Variants in PLD2 observed in about 807,000 individuals in gnomAD.
The protein encoded by PLD2 is phospholipase D2.
In PLD2, 101 loss-of-function variants were observed where a neutral mutation model predicts 119.8. The ratio of observed to expected loss-of-function variants is 0.84; its 90% confidence interval spans 0.72 to 0.99. The LOEUF is 0.99. Ranked by LOEUF, PLD2 falls within the 50% of genes least tolerant of loss-of-function variation. The probability of loss-of-function intolerance (pLI) is 0.00; values close to 1 mark genes in which losing one functional copy is unlikely to be tolerated. For missense variants in PLD2, 1,164 were observed against 1,226.8 expected, an observed-to-expected ratio of 0.95 and a Z score of 0.76; for synonymous variants, 494 against 482.8, an observed-to-expected ratio of 1.02 and a Z score of -0.30.
rs766498542 is a variant in PLD2 at position 4,819,130 on chromosome 17, A to G, written c.2220A>G (p.Thr740=). ...ATATTTCCATCTGCGGGCTTCGTAC[A>G]CACGGAGAGCTGGGCGGGCACCCCG... ...RDYISICGLR[T]HGELGGHPVS... is the part of the protein sequence containing the mutation. The change falls in exon 22 of 25, where the codon ACA becomes ACG. Residue 740 remains threonine, a synonymous_variant. Transcript: ENST00000263088. This position sits in a 1 kb window ranked among gnomAD's most constrained non-coding sequence, Gnocchi z 4.2. 5.6e-6 allele frequency: 9 copies of G among 1,614,030 alleles called. No homozygotes were observed. Among genetic ancestry groups the G allele is most frequent in the East Asian group, 2.2e-5 (1 of 44,888 alleles).
intron 9 of PLD2, among the ~76,000 whole-genome samples, chr17:4,810,408 G>A (rs1424945618): frequency 2.0e-5 from 3 of 152,172 alleles, no homozygotes; most frequent in African/African-American, 4.8e-5. Flanking sequence ...ACTTTGGGAG[G>A]CCGAGGCGGG....
chr17:4,809,429 G>A, intron 6 of PLD2, 64 bp from the exon 7 acceptor site: 3 of 1,611,300 alleles, frequency 1.9e-6, no homozygotes, highest in Non-Finnish European at 1.7e-6. Flanking sequence ...GGAGGGCCAG[G>A]GGCCCCAGGG....
chr17:4,813,701 A>G (rs1451798236), intron 10 of PLD2, among the ~76,000 whole-genome samples: 2 of 152,228 alleles, frequency 1.3e-5, no homozygotes, highest in African/African-American at 4.8e-5. Flanking sequence ...TCTACTAAAA[A>G]TACAAAAATT....
At position 4,810,887 on chromosome 17, in the gene PLD2, G is replaced by A; in HGVS notation, c.946G>A (p.Asp316Asn). The part of the protein sequence containing the change: ...ITELAQGPGR[D>N]FLQLHRHDSY... ...TGAGCTGGCACAGGGCCCAGGCAGA[G>A]ACTTCCTACAGCTGCACCGGCATGA... Residue 316 changes from aspartate to asparagine, a missense_variant, in exon 10 of 25, where the codon GAC becomes AAC. Physicochemically the swap from Asp to Asn is conservative, Grantham distance 23. Transcript: ENST00000263088. The A allele has an allele frequency of 6.2e-7, 1 of 1,613,918 alleles. No individual in the cohort carries two copies. Among genetic ancestry groups the A allele is most frequent in the East Asian group, 2.2e-5 (1 of 44,868 alleles).
chr17:4,817,361 G>A, intron 17 of PLD2, 102 bp downstream of exon 17: 1 of 841,498 alleles, frequency 1.2e-6, no homozygotes, highest in Non-Finnish European at 2.1e-6. Context: ...CTCCTTTCCT[G>A]GGGTTAAGAA....
intron 10 of PLD2, 124 bp from the exon 11 acceptor site, chr17:4,814,294 C>G (rs1906750965): frequency 6.9e-7 from 1 of 1,456,294 alleles, no homozygotes; most frequent in South Asian, 1.3e-5. Context: ...CACTTGTGTT[C>G]TCTGATCATT....
Position 4,815,583 on chromosome 17 carries a change from A to G in PLD2, c.1281A>G (p.Ile427Met). 6.2e-7 allele frequency: 1 copy of G among 1,611,160 alleles called. No homozygotes were observed. ...KRALMLLHPNIKVMRHPDQVT... is the reference protein window; with the variant it reads ...KRALMLLHPNMKVMRHPDQVT... ...CGCTGATGCTGCTGCACCCCAACAT[A>G]AAGGTGACTCTCGGCCTCAGAGACC... is the stretch of plus-strand genomic sequence containing the variant. Residue 427 changes from isoleucine (I) to methionine (M), a missense_variant, in exon 13 of 25, where the codon ATA becomes ATG. Physicochemically the swap from Ile to Met is conservative, Grantham distance 10. Transcript: ENST00000263088.
Position 4,808,231 on chromosome 17 carries a change from G to T in PLD2, c.241-43G>T. 6.2e-7 allele frequency: 1 copy of T among 1,605,138 alleles called. No individual in the cohort carries two copies. The highest frequency in any genetic ancestry group is 2.2e-5 in the East Asian group (1 of 44,744). ...AGGGCTGGCCAGAGTGGGGAGGCGG[G>T]GACCCACGCAGGGGACATCCATTCA... On this transcript the variant is annotated intron_variant, in intron 3 of 24. Coordinates refer to ENST00000263088, the MANE Select transcript of PLD2 (RefSeq NM_002663.5). This position sits in a 1 kb window ranked among gnomAD's most constrained non-coding sequence, Gnocchi z 4.1.
Position 4,807,450 on chromosome 17 carries a change from A to C in PLD2, c.-2+225A>C. The stretch of plus-strand genomic sequence containing the variant: ...TAGCCGCGCGCTCTCCGGACCACCC[A>C]GGGCCGCTTCCCCGCGCAGCTGCTG... On this transcript the variant is annotated intron_variant, in intron 1 of 24. Transcript: ENST00000263088. This position sits in a 1 kb window ranked among gnomAD's most constrained non-coding sequence, Gnocchi z 5.4. The C allele has an allele frequency of 4.2e-6, 1 of 236,446 alleles. No homozygotes were observed. Among genetic ancestry groups the C allele is most frequent in the East Asian group, 9.3e-5 (1 of 10,722 alleles). The allele number at this position is 236,446 out of a possible 1,614,324, so 14.6% of individuals were successfully genotyped here.
intron 18 of PLD2, 32 bp from the exon 19 acceptor site, chr17:4,818,265 C>T: frequency 6.3e-7 from 1 of 1,583,788 alleles, no homozygotes; most frequent in Non-Finnish European, 8.7e-7. Context: ...AGGGGCCAGG[C>T]TGCTGATGTC....
chr17:4,811,709 G>A (rs761784177), intron 10 of PLD2, among the ~76,000 whole-genome samples: 21 of 152,318 alleles, frequency 1.4e-4, no homozygotes, highest in Admixed American at 3.9e-4. Context: ...AAGGTGACAC[G>A]CACAGACAGG....
Position 4,818,843 on chromosome 17 carries a change from G to T in PLD2, c.2173+20G>T. 1.2e-6 allele frequency: 2 copies of T among 1,613,012 alleles called. No individual in the cohort carries two copies. The highest frequency in any genetic ancestry group is 3.3e-5 in the Admixed American group (2 of 59,992). On this transcript the variant is annotated intron_variant, in intron 21 of 24. Coordinates refer to ENST00000263088, the MANE Select transcript of PLD2 (RefSeq NM_002663.5). Reference sequence around the variant, plus strand: ...CAGCCAGTGAGTGCTGGGGGCTGGGGGCTCAAGCCCTGGGCCCCTGGGAGA... The same window carrying T: ...CAGCCAGTGAGTGCTGGGGGCTGGGTGCTCAAGCCCTGGGCCCCTGGGAGA...
Position 4,815,895 on chromosome 17 carries a change from G to A in PLD2, c.1416G>A (p.Leu472=), listed in dbSNP as rs1016351796. Residue 472 remains leucine (L), a synonymous_variant, in exon 14 of 25, where the codon CTG becomes CTA. Coordinates refer to ENST00000263088, the MANE Select transcript of PLD2 (RefSeq NM_002663.5). ...YGRWDDLHYR[L]TDLGDSSESA... Reference sequence around the variant, plus strand: ...GCTGGGATGACCTGCACTACCGACTGACTGACCTTGGAGACTCCTCTGAAT... The same window carrying A: ...GCTGGGATGACCTGCACTACCGACTAACTGACCTTGGAGACTCCTCTGAAT... The A allele has an allele frequency of 7.4e-6, 12 of 1,613,980 alleles. No individual in the cohort carries two copies. Among genetic ancestry groups the A allele is most frequent in the Non-Finnish European group, 1.0e-5 (12 of 1,180,006 alleles).
intron 23 of PLD2, among the ~76,000 whole-genome samples, chr17:4,820,263 TG>T (rs1555523991): frequency 1.3e-3 from 76 of 56,314 alleles, no homozygotes; most frequent in Middle Eastern, 0.012. Context: ...AAATCTTTTT[TG>T]TTGTTGTTGT....
At chr17:4,818,911 C>T (rs1283135014) in intron 21 of PLD2, 88 bp downstream of exon 21, 2 of 1,493,258 alleles carry the variant, frequency 1.3e-6, no homozygotes, top group Non-Finnish European at 1.8e-6. Flanking sequence ...GGGAAGGAGG[C>T]TGTCACTCCT....
Position 4,815,793 on chromosome 17 carries a change from G to A in PLD2, c.1314G>A (p.Leu438=). ...TGCGTCACCCAGACCAAGTGACGTTGTGGGCCCATCATGAGAAGCTCCTGG... is the reference window on the plus strand; with the variant it reads ...TGCGTCACCCAGACCAAGTGACGTTATGGGCCCATCATGAGAAGCTCCTGG... ...KVMRHPDQVT[L]WAHHEKLLVV... The change falls in exon 14 of 25, where the codon TTG becomes TTA. Residue 438 remains leucine (L), a synonymous_variant. Transcript: ENST00000263088. 1 of 1,614,102 alleles carries A rather than the reference G, an allele frequency of 6.2e-7. No individual in the cohort carries two copies. The highest frequency in any genetic ancestry group is 8.5e-7 in the Non-Finnish European group (1 of 1,179,994).
chr17:4,819,434 G>A lies in PLD2; in HGVS notation c.2314G>A (p.Ala772Thr), dbSNP rs1235670893. The stretch of plus-strand genomic sequence containing the variant: ...GTGCCCCGCATCCACCCCAGGTTCT[G>A]CAAACATCAATGACCGGAGCTTGCT... ...ADDRTVIIGS[A>T]NINDRSLLGK... is the part of the protein sequence containing the mutation. The change falls in exon 23 of 25, where the codon GCA becomes ACA. Residue 772 changes from alanine to threonine, a missense_variant. Ala to Thr is a moderately conservative substitution (Grantham distance 58). Transcript: ENST00000263088. This position sits in a 1 kb window ranked among gnomAD's most constrained non-coding sequence, Gnocchi z 4.2. 1.2e-6 allele frequency: 2 copies of A among 1,613,520 alleles called. No homozygotes were observed. The highest frequency in any genetic ancestry group is 1.3e-5 in the African/African-American group (1 of 75,040).
rs1263645687 is a variant in PLD2 at position 4,810,885 on chromosome 17, G to A, written c.944G>A (p.Arg315Lys). The change falls in exon 10 of 25, where the codon AGA becomes AAA. Residue 315 changes from arginine to lysine, a missense_variant. By Grantham distance (26) the Arg-to-Lys change is conservative. Transcript: ENST00000263088. The part of the protein sequence containing the change: ...EITELAQGPG[R>K]DFLQLHRHDS... ...ACTGAGCTGGCACAGGGCCCAGGCA[G>A]AGACTTCCTACAGCTGCACCGGCAT... The A allele has an allele frequency of 1.9e-6, 3 of 1,613,938 alleles. No individual in the cohort carries two copies. The highest frequency in any genetic ancestry group is 1.7e-6 in the Non-Finnish European group (2 of 1,179,978).
rs1465847149 is a variant in PLD2 at position 4,816,727 on chromosome 17, G to A, written c.1563G>A (p.Gln521=). 6 of 1,614,070 alleles carry A rather than the reference G, an allele frequency of 3.7e-6. No individual in the cohort carries two copies. Among genetic ancestry groups the A allele is most frequent in the Non-Finnish European group, 5.1e-6 (6 of 1,180,048 alleles). The change falls in exon 15 of 25, where the codon CAG becomes CAA. Residue 521 remains glutamine (Q), a synonymous_variant. Coordinates refer to ENST00000263088, the MANE Select transcript of PLD2 (RefSeq NM_002663.5). ...ATCTTATCACCAAGGACTGGGTGCA[G>A]CTGGACCGGCCTTTCGAAGGTGAAG... is the stretch of plus-strand genomic sequence containing the variant. ...YSNLITKDWV[Q]LDRPFEDFID...
Sources: allele counts gnomAD v4.1 joint callset (sites outside exome capture counted in the v4.1 genomes callset), GRCh38; gene constraint gnomAD v4.1.1; non-coding constraint Gnocchi (gnomAD v3.1); transcripts MANE v1.5; gene names NCBI Gene and HGNC (gene_info 2026-07-23, HGNC 2026-07-21).